The following PKHD1L1 variants were observed in gnomAD, a reference collection of about 807,000 sequenced individuals.
PKHD1L1 encodes PKHD1 like 1.
PKHD1L1 carries 434 observed loss-of-function variants against 462.9 expected under a neutral mutation model. The observed-to-expected ratio is 0.94, with a 90% confidence interval of 0.87 to 1.02. PKHD1L1 has a LOEUF of 1.02. PKHD1L1 is among the 50% of genes least tolerant of loss of function. PKHD1L1 has a pLI of 0.00. For missense variants in PKHD1L1, 5,202 were observed against 5,096.1 expected, an observed-to-expected ratio of 1.02 and a Z score of -0.63; for synonymous variants, 1,781 against 1,750.0, an observed-to-expected ratio of 1.02 and a Z score of -0.44.
chr8:109,440,762 C>T lies in PKHD1L1; in HGVS notation c.4009C>T (p.Pro1337Ser). ...QYVLEVTSMFPQRGSLFGGTE... is the reference protein window; with the variant it reads ...QYVLEVTSMFSQRGSLFGGTE... Reference sequence around the variant, plus strand: ...TGTTTTAGAAGTGACCAGCATGTTTCCACAAAGAGGCTCCTTGTTTGGTGG... The same window carrying T: ...TGTTTTAGAAGTGACCAGCATGTTTTCACAAAGAGGCTCCTTGTTTGGTGG... The change falls in exon 33 of 78, where the codon CCA becomes TCA. Residue 1337 changes from proline to serine, a missense_variant. Pro to Ser is a moderately conservative substitution (Grantham distance 74, BLOSUM62 -1). This residue lies in a region of PKHD1L1 where 4,497 missense variants were observed against 4,336.8 expected (regional missense o/e 1.04). Transcript: ENST00000378402. 6.2e-7 allele frequency: 1 copy of T among 1,612,926 alleles called. No homozygotes were observed. Among genetic ancestry groups the T allele is most frequent in the Non-Finnish European group, 8.5e-7 (1 of 1,179,204 alleles).
Position 109,482,157 on chromosome 8 carries a change from A to G in PKHD1L1, c.9457+595A>G, listed in dbSNP as rs78613027. Among the ~76,000 whole-genome samples, 999 of 151,894 alleles carry G rather than the reference A, an allele frequency of 6.6e-3. 14 individuals carry two copies. The highest frequency in any genetic ancestry group is 0.023 in the African/African-American group (961 of 41,522). Reference sequence around the variant, plus strand: ...TCACAATTAAGAACTGCTTTTATGAATGGTACTGCATATTTATTTAGGAGA... The same window carrying G: ...TCACAATTAAGAACTGCTTTTATGAGTGGTACTGCATATTTATTTAGGAGA... On this transcript the variant is annotated intron_variant, in intron 56 of 77. Coordinates refer to ENST00000378402, the MANE Select transcript of PKHD1L1 (RefSeq NM_177531.6).
chr8:109,425,346 TATTA>T lies in PKHD1L1; in HGVS notation c.2845+119_2845+122del, dbSNP rs756654460. The T allele has an allele frequency of 4.0e-5, 25 of 628,384 alleles. 1 individual carries two copies. The highest frequency in any genetic ancestry group is 3.6e-4 in the East Asian group (10 of 28,110). The allele number at this position is 628,384 out of a possible 1,614,324, so 38.9% of individuals were successfully genotyped here. On this transcript the variant is annotated intron_variant, in intron 24 of 77. Coordinates refer to ENST00000378402, the MANE Select transcript of PKHD1L1 (RefSeq NM_177531.6). ...TACTACTTATTGATACATACAAATA[TATTA>T]ATTATTTATTTGATATATAAGTAAA...
chr8:109,441,528 G>A (rs1274021778), intron 34 of PKHD1L1, 149 bp downstream of exon 34: 2 of 592,938 alleles, frequency 3.4e-6, no homozygotes, highest in Non-Finnish European at 5.7e-6. Flanking sequence ...TGACATAGAG[G>A]GTCACATATA....
intron 47 of PKHD1L1, among the ~76,000 whole-genome samples, chr8:109,460,779 G>A (rs562259171): frequency 3.0e-4 from 45 of 152,292 alleles, no homozygotes; most frequent in African/African-American, 1.1e-3. Flanking sequence ...CATGCTACAT[G>A]TGTCCCATAT....
rs1157386001 is a variant in PKHD1L1, at chr8:109,489,613, C to CG, written c.9881-339_9881-338insG. ...TTCTCAATTCGAAAATATCACCCCC[C>CG]AGGAGGAAAAACTTAGTTCTTGAGG... On this transcript the variant is annotated intron_variant, in intron 59 of 77. Coordinates refer to ENST00000378402, the MANE Select transcript of PKHD1L1 (RefSeq NM_177531.6). Among the ~76,000 whole-genome samples the CG allele has an allele frequency of 8.6e-5, 13 of 151,958 alleles. No homozygotes were observed. The South Asian group carries it at 1.9e-3, about 22-fold the overall frequency.
intron 4 of PKHD1L1, among the ~76,000 whole-genome samples, chr8:109,383,593 A>G (rs1223291387): frequency 1.3e-5 from 2 of 150,094 alleles, no homozygotes; most frequent in African/African-American, 2.5e-5. Flanking sequence ...GAAAACAATA[A>G]TGACATCTGT....
chr8:109,469,401 A>G (rs578114895), intron 50 of PKHD1L1, among the ~76,000 whole-genome samples: 3 of 152,096 alleles, frequency 2.0e-5, no homozygotes, highest in Admixed American at 6.6e-5. Context: ...AGAGCCCACC[A>G]ATATCCCCCT....
At chr8:109,418,093 A>C (rs1278502464) in intron 21 of PKHD1L1, among the ~76,000 whole-genome samples, 1 of 152,218 alleles carries the variant, frequency 6.6e-6, no homozygotes, top group Non-Finnish European at 1.5e-5. Context: ...GGCACAGTGT[A>C]CAGTTCAGTT....
At chr8:109,419,055 T>G (rs1260313793) in intron 21 of PKHD1L1, 42 bp from the exon 22 acceptor site, 6 of 1,509,626 alleles carry the variant, frequency 4.0e-6, no homozygotes, top group Non-Finnish European at 5.4e-6. Context: ...TGCTTAAACA[T>G]TACCACTGAT....
Position 109,444,775 on chromosome 8 carries a change from A to T in PKHD1L1, c.4906A>T (p.Thr1636Ser), listed in dbSNP as rs1242128296. 1 of 1,613,982 alleles carries T rather than the reference A, an allele frequency of 6.2e-7. No homozygotes were observed. The highest frequency in any genetic ancestry group is 2.2e-5 in the East Asian group (1 of 44,880). Residue 1636 changes from threonine (T) to serine (S), a missense_variant, in exon 38 of 78, where the codon ACT becomes TCT. Around this residue, in one of 3 missense-constraint regions of PKHD1L1, gnomAD observed 4,497 missense variants for 4,336.8 expected, o/e 1.04. Coordinates refer to ENST00000378402, the MANE Select transcript of PKHD1L1 (RefSeq NM_177531.6). ...TGGTATCAGGGAAACTGTCACTTTG[A>T]CTGTCTACAACCTGGGCACTGCTAT... ...DVGIRETVTL[T>S]VYNLGTAINT... is the part of the protein sequence containing the mutation.
chr8:109,484,782 TA>T (rs1452604266), intron 57 of PKHD1L1, among the ~76,000 whole-genome samples: 2 of 151,904 alleles, frequency 1.3e-5, no homozygotes, highest in Admixed American at 6.6e-5. Flanking sequence ...TTTGCTTTTT[TA>T]AAAAAGGTAT....
In PKHD1L1 at chr8:109,398,541, A is replaced by G. The variant is rs1813092652; in HGVS notation, c.1005A>G (p.Val335=). ...TPPKPHILKT[V]YPGGRGLKLE... Reference sequence around the variant, plus strand: ...CCAAACCTCATATTCTCAAAACTGTATATCCAGGTAAGTTACCATAAGGGA... The same window carrying G: ...CCAAACCTCATATTCTCAAAACTGTGTATCCAGGTAAGTTACCATAAGGGA... Residue 335 remains valine, a synonymous_variant, in exon 12 of 78, where the codon GTA becomes GTG. Transcript: ENST00000378402. 2 of 1,542,540 alleles carry G rather than the reference A, an allele frequency of 1.3e-6. No homozygotes were observed. The highest frequency in any genetic ancestry group is 1.4e-5 in the African/African-American group (1 of 73,318).
intron 50 of PKHD1L1, among the ~76,000 whole-genome samples, chr8:109,468,925 G>A (rs979897877): frequency 1.3e-5 from 2 of 152,138 alleles, no homozygotes; most frequent in African/African-American, 4.8e-5. Flanking sequence ...GGTAATTTGA[G>A]TTAGACTTCT....
chr8:109,477,152 A>C (rs1178386111), intron 52 of PKHD1L1, 73 bp from the exon 53 acceptor site: 3 of 1,499,918 alleles, frequency 2.0e-6, no homozygotes, highest in Non-Finnish European at 2.7e-6. Flanking sequence ...ATTTTCCAAA[A>C]TTCCATAATT....
chr8:109,373,888 T>C (rs1314231286), intron 2 of PKHD1L1, among the ~76,000 whole-genome samples: 1 of 152,224 alleles, frequency 6.6e-6, no homozygotes, highest in Non-Finnish European at 1.5e-5. Context: ...TAATTTCTAT[T>C]CTTTTACATT....
Position 109,507,832 on chromosome 8 carries a change from A to T in PKHD1L1, c.11164A>T (p.Lys3722Ter). 1 of 1,613,610 alleles carries T rather than the reference A, an allele frequency of 6.2e-7. No individual in the cohort carries two copies. The highest frequency in any genetic ancestry group is 8.5e-7 in the Non-Finnish European group (1 of 1,179,678). The change falls in exon 69 of 78, where the codon AAG becomes TAG. Residue 3722 changes from lysine (K) to a stop codon, truncating the protein, a stop_gained. Coordinates refer to ENST00000378402, the MANE Select transcript of PKHD1L1 (RefSeq NM_177531.6). LOFTEE classifies it high-confidence loss of function. ...AGGAATTGGAGACTACAGAATTCCT[A>T]AGGCGATGCTCACATTCTTGAATGG... ...QVGIGDYRIP[K>*]AMLTFLNGSR...
chr8:109,465,936 T>C (rs1341270101), intron 49 of PKHD1L1, among the ~76,000 whole-genome samples: 2 of 152,316 alleles, frequency 1.3e-5, no homozygotes, highest in Non-Finnish European at 2.9e-5. Context: ...TTGTAAATGA[T>C]AAAAAATCTG....
rs1306526439 is a variant in PKHD1L1 at position 109,465,053 on chromosome 8, G to C, written c.8221G>C (p.Val2741Leu). The change falls in exon 49 of 78, where the codon GTG (valine) becomes CTG (leucine). Residue 2741 changes from valine to leucine, a missense_variant. Coordinates refer to ENST00000378402, the MANE Select transcript of PKHD1L1 (RefSeq NM_177531.6). ...TAGTGAAGGCTTGACTGTCTCTTCTGTGCACTTTATGAACTTTGACCGTCC... is the reference window on the plus strand; with the variant it reads ...TAGTGAAGGCTTGACTGTCTCTTCTCTGCACTTTATGAACTTTGACCGTCC... ...PFSEGLTVSSVHFMNFDRPNC... is the reference protein window; with the variant it reads ...PFSEGLTVSSLHFMNFDRPNC... 1.2e-6 allele frequency: 2 copies of C among 1,613,680 alleles called. No homozygotes were observed. The highest frequency in any genetic ancestry group is 1.3e-5 in the African/African-American group (1 of 74,892).
At chr8:109,440,069 A>G (rs1004963165) in intron 32 of PKHD1L1, among the ~76,000 whole-genome samples, 1 of 152,128 alleles carries the variant, frequency 6.6e-6, no homozygotes, top group Non-Finnish European at 1.5e-5. Flanking sequence ...GGAAGTTAAA[A>G]GTTAACACAA....
Sources: allele counts gnomAD v4.1 joint callset (sites outside exome capture counted in the v4.1 genomes callset), GRCh38; gene constraint gnomAD v4.1.1; regional missense constraint gnomAD v4.1.1; transcripts MANE v1.5; gene names NCBI Gene and HGNC (gene_info 2026-07-23, HGNC 2026-07-21).